Variants in TNKS observed in about 807,000 individuals in gnomAD.
TNKS encodes poly [ADP-ribose] polymerase tankyrase-1.
TNKS carries 72 observed loss-of-function variants against 135.8 expected under a neutral mutation model. That is an observed-to-expected ratio of 0.53 (90% CI 0.44 to 0.64). TNKS has a LOEUF of 0.64. Among genes scored for constraint, TNKS ranks in the 30% least tolerant of loss-of-function variants. TNKS has a pLI of 0.00. For missense variants in TNKS, 1,769 were observed against 1,674.0 expected, an observed-to-expected ratio of 1.06 and a Z score of -0.99; for synonymous variants, 849 against 649.3, an observed-to-expected ratio of 1.31 and a Z score of -4.68.
chr8:9,725,393 T>G (rs190325558), intron 12 of TNKS, among the ~76,000 whole-genome samples: 2 of 152,310 alleles, frequency 1.3e-5, no homozygotes, highest in East Asian at 3.9e-4. Context: ...AACACTCTCT[T>G]TTTTCCTCCC....
intron 2 of TNKS, among the ~76,000 whole-genome samples, chr8:9,586,696 A>G (rs1051162899): frequency 6.6e-6 from 1 of 150,926 alleles, no homozygotes; most frequent in African/African-American, 2.4e-5. Flanking sequence ...AAATTATAAT[A>G]TAGTCTATAT....
rs768465550 is a variant in TNKS at position 9,748,206 on chromosome 8, G to C, written c.2826G>C (p.Leu942=). The C allele has an allele frequency of 2.6e-6, 4 of 1,545,324 alleles. No individual in the cohort carries two copies. The highest frequency in any genetic ancestry group is 3.5e-6 in the Non-Finnish European group (4 of 1,144,578). Residue 942 remains leucine, a synonymous_variant, in exon 18 of 27, where the codon CTG becomes CTC. Coordinates refer to ENST00000310430, the MANE Select transcript of TNKS (RefSeq NM_003747.3). ...KNQEGQTPLD[L]ATADDIRALL... Reference sequence around the variant, plus strand: ...AGGAAGGCCAGACGCCTCTGGATCTGGCAACAGTAAGTCCTCATTTCAGAT... The same window carrying C: ...AGGAAGGCCAGACGCCTCTGGATCTCGCAACAGTAAGTCCTCATTTCAGAT...
intron 20 of TNKS, among the ~76,000 whole-genome samples, chr8:9,755,257 T>G (rs115610706): frequency 0.015 from 2,312 of 152,346 alleles, 33 homozygotes; most frequent in African/African-American, 0.037. Context: ...TTTAGTCTCC[T>G]AGTCACTCCT....
intron 3 of TNKS, among the ~76,000 whole-genome samples, chr8:9,617,933 A>G (rs2128766419): frequency 6.8e-6 from 1 of 147,738 alleles, no homozygotes; most frequent in Non-Finnish European, 1.5e-5. Context: ...GTGTACAAGT[A>G]TTTATGTGTT....
chr8:9,688,953 T>A (rs916186028), intron 5 of TNKS, among the ~76,000 whole-genome samples: 5 of 152,140 alleles, frequency 3.3e-5, no homozygotes, highest in African/African-American at 1.2e-4. Context: ...GCAAGTTTTT[T>A]CATGTCTGTA....
At chr8:9,775,886 C>T (rs1417412945) in intron 26 of TNKS, among the ~76,000 whole-genome samples, 1 of 151,838 alleles carries the variant, frequency 6.6e-6, no homozygotes, top group Non-Finnish European at 1.5e-5. Flanking sequence ...CTGAAGAATT[C>T]CTATGTAGTC....
chr8:9,719,111 T>A (rs1804744727), intron 11 of TNKS, among the ~76,000 whole-genome samples: 1 of 152,226 alleles, frequency 6.6e-6, no homozygotes, highest in African/African-American at 2.4e-5. Flanking sequence ...TTTTTGTTGG[T>A]ATGTATCAGC....
At chr8:9,605,807 T>G (rs898167540) in intron 2 of TNKS, among the ~76,000 whole-genome samples, 1 of 152,102 alleles carries the variant, frequency 6.6e-6, no homozygotes, top group Admixed American at 6.5e-5. Flanking sequence ...CTTTTAATGA[T>G]TGATTTGTAG....
At chr8:9,725,133 C>G (rs1001296842) in intron 12 of TNKS, among the ~76,000 whole-genome samples, 1 of 152,066 alleles carries the variant, frequency 6.6e-6, no homozygotes, top group Admixed American at 6.5e-5. Flanking sequence ...TATGTGCACA[C>G]TTATAATGGA....
chr8:9,770,971 A>T (rs750843984), intron 26 of TNKS, among the ~76,000 whole-genome samples: 18 of 152,158 alleles, frequency 1.2e-4, no homozygotes, highest in Non-Finnish European at 2.5e-4. Flanking sequence ...ACATACAAAT[A>T]TGGAATGGAG....
intron 3 of TNKS, among the ~76,000 whole-genome samples, chr8:9,638,640 C>A (rs1800609884): frequency 6.6e-6 from 1 of 151,902 alleles, no homozygotes; most frequent in South Asian, 2.1e-4. Flanking sequence ...TCTTTTCAGA[C>A]AAAAATGATT....
chr8:9,695,630 C>G (rs920971080), intron 5 of TNKS, among the ~76,000 whole-genome samples: 2 of 152,144 alleles, frequency 1.3e-5, no homozygotes, highest in Non-Finnish European at 2.9e-5. Context: ...ACTCTGCTGT[C>G]ATGTTGTGTT....
chr8:9,657,747 C>A, intron 3 of TNKS, among the ~76,000 whole-genome samples: 1 of 141,950 alleles, frequency 7.0e-6, no homozygotes, highest in Non-Finnish European at 1.6e-5. Context: ...CGCCCCTCAC[C>A]TCCCGGACGG....
At chr8:9,767,406 C>A (rs773043632) in intron 25 of TNKS, among the ~76,000 whole-genome samples, 1 of 152,150 alleles carries the variant, frequency 6.6e-6, no homozygotes, top group Non-Finnish European at 1.5e-5. Flanking sequence ...AACTTACTTA[C>A]CAAATGCATT....
chr8:9,621,480 A>G (rs1799863810), intron 3 of TNKS, among the ~76,000 whole-genome samples: 1 of 151,932 alleles, frequency 6.6e-6, no homozygotes, highest in Non-Finnish European at 1.5e-5. Context: ...CTAATTTTGT[A>G]TTTTTAGTAG....
At chr8:9,556,776 G>A in intron 1 of TNKS, 164 bp downstream of exon 1, 2 of 696,166 alleles carry the variant, frequency 2.9e-6, no homozygotes, top group East Asian at 6.1e-5. Context: ...TGGTGCCTGG[G>A]TGATGGGGGC....
intron 3 of TNKS, among the ~76,000 whole-genome samples, chr8:9,619,130 T>C (rs1799764719): frequency 6.6e-6 from 1 of 152,188 alleles, no homozygotes; most frequent in African/African-American, 2.4e-5. Context: ...CATTCAGTCT[T>C]AGCATCCATG....
chr8:9,620,027 G>T (rs1293647266), intron 3 of TNKS, among the ~76,000 whole-genome samples: 1 of 151,328 alleles, frequency 6.6e-6, no homozygotes, highest in African/African-American at 2.4e-5. Flanking sequence ...TTGGCTCACT[G>T]CAACCTCCGC....
rs148767634 is a variant in TNKS at position 9,742,651 on chromosome 8, A to T, written c.2644-5373A>T. 2.5e-3 allele frequency among the ~76,000 whole-genome samples: 377 copies of T among 151,060 alleles called. 14 individuals are homozygous for T. The East Asian group carries it at 0.059, about 24-fold the overall frequency. Reference sequence around the variant, plus strand: ...GACAGCAACATGGTTTAAGGCCAGGAGTTTGAGACCAGCCTGGGCGACATA... The same window carrying T: ...GACAGCAACATGGTTTAAGGCCAGGTGTTTGAGACCAGCCTGGGCGACATA... On this transcript the variant is annotated intron_variant, in intron 17 of 26. Transcript: ENST00000310430.
Sources: gnomAD v4.1 joint callset for allele counts (sites outside exome capture counted in the v4.1 genomes callset) on GRCh38, gnomAD v4.1.1 for gene constraint, MANE v1.5 for transcripts, NCBI Gene and HGNC (gene_info 2026-07-23, HGNC 2026-07-21) for gene names.